ANK3: variants seen among roughly 807,000 people sequenced by gnomAD.
The protein encoded by ANK3 is ankyrin-3.
ANK3 carries 57 observed loss-of-function variants against 370.9 expected under a neutral mutation model. The observed-to-expected ratio is 0.15, with a 90% CI of 0.12 to 0.19. The LOEUF is 0.19. Among genes scored for constraint, ANK3 ranks in the 10% least tolerant of loss-of-function variants. ANK3 has a pLI of 1.00. For synonymous variants in ANK3, 1,929 were observed against 1,946.3 expected (o/e 0.99, Z 0.23); for missense variants, 4,439 against 5,302.1 (o/e 0.84, Z 5.06).
At chr10:60,582,792 T>C (rs556175265) in intron 2 of ANK3, among the ~76,000 whole-genome samples, 11 of 152,226 alleles carry the variant, frequency 7.2e-5, no homozygotes, top group African/African-American at 2.6e-4. Context: ...ACTGCTTCCC[T>C]CACTGTGTAG....
intron 2 of ANK3, among the ~76,000 whole-genome samples, chr10:60,417,220 G>A (rs2063687209): frequency 6.6e-6 from 1 of 152,168 alleles, no homozygotes; most frequent in African/African-American, 2.4e-5. Flanking sequence ...GTGAGTCCTT[G>A]ATATTAGACA....
chr10:60,105,449 A>G (rs1416244210), intron 28 of ANK3, among the ~76,000 whole-genome samples: 2 of 152,220 alleles, frequency 1.3e-5, no homozygotes, highest in African/African-American at 4.8e-5. Context: ...AAGACTAATT[A>G]TGGCCCAAGA....
At position 60,104,357 on chromosome 10, in the gene ANK3, CAAAAAAAAAAAAAAAAAAAAAAA is replaced by C. The variant is rs747064489; in HGVS notation, c.3328+1525_3328+1547del. Among the ~76,000 whole-genome samples the C allele has an allele frequency of 2.2e-4, 12 of 53,758 alleles. 1 individual carries two copies. The East Asian group carries it at 7.2e-3, about 32-fold the overall frequency. The allele number at this position is 53,758 out of a possible 152,430, so 35.3% of individuals were successfully genotyped here. On this transcript the variant is annotated intron_variant, in intron 28 of 43. Coordinates refer to ENST00000280772, the MANE Select transcript of ANK3 (RefSeq NM_020987.5). ...TGGGTGACAGAGTGAGACTCCATCT[CAAAAAAAAAAAAAAAAAAAAAAA>C]AAAAAAAAAAAAGAAACAAAGAAAG...
At chr10:60,556,392 G>A (rs1479147208) in intron 2 of ANK3, among the ~76,000 whole-genome samples, 1 of 152,090 alleles carries the variant, frequency 6.6e-6, no homozygotes, top group African/African-American at 2.4e-5. Flanking sequence ...GGAATTGCAA[G>A]TCTTCTCAGT....
chr10:60,159,815 G>A (rs1050290551), intron 23 of ANK3, among the ~76,000 whole-genome samples: 2 of 151,996 alleles, frequency 1.3e-5, no homozygotes, highest in African/African-American at 2.4e-5. Context: ...GCTCCTGAAC[G>A]ACCATTATGT....
chr10:60,406,386 G>A lies in ANK3; in HGVS notation c.97-126747C>T, dbSNP rs150332731. ...GTTTCATAAATGACAATTTTCCCAC[G>A]GATGGGGAAGTGGGTGGTTAGGAGA... is the stretch of plus-strand genomic sequence containing the variant. On this transcript the variant is annotated intron_variant, in intron 2 of 43. Coordinates refer to the ANK3 transcript ENST00000373827. Among the ~76,000 whole-genome samples the A allele has an allele frequency of 4.1e-3, 623 of 152,284 alleles. 3 individuals are homozygous for A. Among genetic ancestry groups the A allele is most frequent in the Non-Finnish European group, 6.7e-3 (457 of 68,012 alleles).
intron 1 of ANK3, among the ~76,000 whole-genome samples, chr10:60,330,875 A>T (rs901918871): frequency 9.9e-5 from 15 of 152,224 alleles, no homozygotes; most frequent in Non-Finnish European, 2.1e-4. Context: ...CCAAATGCCC[A>T]TCAATGTTAG....
intron 23 of ANK3, among the ~76,000 whole-genome samples, chr10:60,158,604 G>A (rs2095413851): frequency 6.6e-6 from 1 of 151,500 alleles, no homozygotes; most frequent in African/African-American, 2.4e-5. Flanking sequence ...AAGTCTTATG[G>A]TAAGCACAAA....
At chr10:60,285,048 G>A (rs183980075) in intron 1 of ANK3, among the ~76,000 whole-genome samples, 11 of 152,062 alleles carry the variant, frequency 7.2e-5, no homozygotes, top group Non-Finnish European at 8.8e-5. Context: ...AGTGATGATC[G>A]CCTCTATTTC....
chr10:60,562,582 T>C (rs2077364053), intron 2 of ANK3, among the ~76,000 whole-genome samples: 1 of 152,136 alleles, frequency 6.6e-6, no homozygotes, highest in African/African-American at 2.4e-5. Context: ...CCCAGCTTAT[T>C]TTTTGTATTT....
chr10:60,507,001 A>G (rs2075957754), intron 2 of ANK3, among the ~76,000 whole-genome samples: 1 of 152,138 alleles, frequency 6.6e-6, no homozygotes, highest in African/African-American at 2.4e-5. Context: ...ATAAAATGGC[A>G]TTTATTCACA....
intron 2 of ANK3, among the ~76,000 whole-genome samples, chr10:60,573,132 T>C (rs1448888739): frequency 1.3e-5 from 2 of 151,538 alleles, no homozygotes; most frequent in Non-Finnish European, 2.9e-5. Flanking sequence ...GGTTACTTGG[T>C]CTGTAAAAAA....
chr10:60,141,153 C>A, intron 23 of ANK3: 1 of 378,938 alleles, frequency 2.6e-6, no homozygotes, highest in Non-Finnish European at 3.6e-6. Context: ...CATAACTCTC[C>A]AAGAGGCACT....
intron 2 of ANK3, among the ~76,000 whole-genome samples, chr10:60,398,669 T>C (rs566298928): frequency 1.3e-5 from 2 of 152,350 alleles, no homozygotes; most frequent in African/African-American, 4.8e-5. Context: ...CAAATATTTA[T>C]TGGGTACCTT....
At chr10:60,390,796 G>A (rs1366236098), upstream of ANK3, among the ~76,000 whole-genome samples, 2 of 145,220 alleles carry the variant, frequency 1.4e-5, no homozygotes, top group Non-Finnish European at 1.5e-5. Flanking sequence ...AAATGAGTCA[G>A]AAAAAAAAAA....
At chr10:60,240,046 TAC>T (rs1244215322) in intron 7 of ANK3, among the ~76,000 whole-genome samples, 8 of 119,312 alleles carry the variant, frequency 6.7e-5, no homozygotes, top group Admixed American at 1.8e-4. Context: ...CACATATATA[TAC>T]ATATATACAC....
chr10:60,392,776 A>T (rs2063139712), upstream of ANK3, among the ~76,000 whole-genome samples: 1 of 152,114 alleles, frequency 6.6e-6, no homozygotes, highest in South Asian at 2.1e-4. Context: ...TAAAAATACA[A>T]AAATTAGCTG....
At chr10:60,187,381 T>G (rs2096371645) in intron 16 of ANK3, among the ~76,000 whole-genome samples, 1 of 152,112 alleles carries the variant, frequency 6.6e-6, no homozygotes, top group Non-Finnish European at 1.5e-5. Context: ...GGTCTCCATC[T>G]CCTGACCTCG....
At chr10:60,360,308 A>G (rs1054065648) in intron 1 of ANK3, among the ~76,000 whole-genome samples, 1 of 152,244 alleles carries the variant, frequency 6.6e-6, no homozygotes, top group Non-Finnish European at 1.5e-5. Flanking sequence ...AAAGAATAAG[A>G]GTGCTCAGCT....
Sources: gnomAD v4.1 joint callset for allele counts (sites outside exome capture counted in the v4.1 genomes callset) on GRCh38, gnomAD v4.1.1 for gene constraint, MANE v1.5 for transcripts, NCBI Gene and HGNC (gene_info 2026-07-23, HGNC 2026-07-21) for gene names.